The following ST6GALNAC5 variants were observed in gnomAD, a reference collection of about 807,000 sequenced individuals.
ST6GALNAC5 encodes the protein ST6 N-acetylgalactosaminide alpha-2,6-sialyltransferase 5.
In ST6GALNAC5, 27 loss-of-function variants were observed where a neutral mutation model predicts 33.6. The observed-to-expected ratio is 0.80, with a 90% CI of 0.59 to 1.11. ST6GALNAC5 has a LOEUF of 1.11. Ranked by LOEUF, ST6GALNAC5 falls within the 50% of genes least tolerant of loss-of-function variation. ST6GALNAC5 has a pLI of 0.00. For missense variants in ST6GALNAC5, 428 were observed against 454.0 expected, an observed-to-expected ratio of 0.94 and a Z score of 0.52; for synonymous variants, 194 against 171.2, an observed-to-expected ratio of 1.13 and a Z score of -1.04.
At chr1:76,893,325 T>C (rs1654052830) in intron 2 of ST6GALNAC5, among the ~76,000 whole-genome samples, 1 of 152,268 alleles carries the variant, frequency 6.6e-6, no homozygotes, top group Non-Finnish European at 1.5e-5. Flanking sequence ...ATAGAAGTGG[T>C]GTAAAAGACA....
At chr1:76,900,926 G>A (rs1646811726) in intron 2 of ST6GALNAC5, among the ~76,000 whole-genome samples, 1 of 152,144 alleles carries the variant, frequency 6.6e-6, no homozygotes, top group Non-Finnish European at 1.5e-5. Context: ...TACGTTCTCA[G>A]AACATCAGTG....
At chr1:76,901,098 G>A (rs1646813220) in intron 2 of ST6GALNAC5, among the ~76,000 whole-genome samples, 2 of 152,194 alleles carry the variant, frequency 1.3e-5, no homozygotes, top group Admixed American at 1.3e-4. Flanking sequence ...GTTGCAATAA[G>A]TGTTTGTGGT....
At chr1:76,907,823 G>T (rs142957159) in intron 2 of ST6GALNAC5, among the ~76,000 whole-genome samples, 35 of 152,100 alleles carry the variant, frequency 2.3e-4, no homozygotes, top group African/African-American at 8.4e-4. Context: ...TACATCCTTA[G>T]CTCACTTTGG....
chr1:77,044,847 T>A (rs1651956059), intron 3 of ST6GALNAC5, among the ~76,000 whole-genome samples: 1 of 152,158 alleles, frequency 6.6e-6, no homozygotes, highest in Non-Finnish European at 1.5e-5. Flanking sequence ...GGCCTTATTT[T>A]TGAGGAAGAG....
At chr1:77,046,542 A>G (rs1326062508) in intron 3 of ST6GALNAC5, among the ~76,000 whole-genome samples, 1 of 152,214 alleles carries the variant, frequency 6.6e-6, no homozygotes, top group Non-Finnish European at 1.5e-5. Context: ...CCCCATGGGC[A>G]GCCCAGCCAG....
chr1:77,026,495 G>A (rs1266533358), intron 2 of ST6GALNAC5, among the ~76,000 whole-genome samples: 3 of 151,766 alleles, frequency 2.0e-5, no homozygotes, highest in Admixed American at 6.6e-5. Context: ...TTGTGGAGGT[G>A]TCATTGAGAG....
chr1:76,984,323 C>A (rs1310427106), intron 2 of ST6GALNAC5, among the ~76,000 whole-genome samples: 1 of 151,988 alleles, frequency 6.6e-6, no homozygotes, highest in South Asian at 2.1e-4. Context: ...TAAAAAATGA[C>A]AAAGTGGATA....
intron 2 of ST6GALNAC5, among the ~76,000 whole-genome samples, chr1:76,932,389 G>A (rs975043513): frequency 1.3e-5 from 2 of 152,138 alleles, no homozygotes; most frequent in East Asian, 1.9e-4. Flanking sequence ...TGCGTCACAG[G>A]TGTGGGGGAT....
chr1:76,981,656 G>T (rs929198552), intron 2 of ST6GALNAC5, among the ~76,000 whole-genome samples: 4 of 56,562 alleles, frequency 7.1e-5, no homozygotes, highest in African/African-American at 2.8e-4. Context: ...CATTGCATTT[G>T]AGCTCGAGAA....
chr1:76,923,909 T>C (rs964252380), intron 2 of ST6GALNAC5, among the ~76,000 whole-genome samples: 2 of 152,118 alleles, frequency 1.3e-5, no homozygotes, highest in Non-Finnish European at 1.5e-5. Context: ...TAAAAATTAA[T>C]GGACATTCCA....
chr1:76,896,801 T>A (rs957901351), intron 2 of ST6GALNAC5, among the ~76,000 whole-genome samples: 6 of 152,196 alleles, frequency 3.9e-5, no homozygotes, highest in African/African-American at 1.4e-4. Context: ...GAGAGTGTGT[T>A]GAGCATAGTT....
At chr1:76,956,315 A>G (rs1647976301) in intron 2 of ST6GALNAC5, among the ~76,000 whole-genome samples, 1 of 152,148 alleles carries the variant, frequency 6.6e-6, no homozygotes, top group Admixed American at 6.5e-5. Context: ...TAAGAGCCAT[A>G]TAATGCTGTG....
At chr1:76,975,949 G>T (rs1648992446) in intron 2 of ST6GALNAC5, among the ~76,000 whole-genome samples, 1 of 151,966 alleles carries the variant, frequency 6.6e-6, no homozygotes. Flanking sequence ...ACAAAACTTA[G>T]CCGGGCTTGG....
intron 2 of ST6GALNAC5, among the ~76,000 whole-genome samples, chr1:76,948,587 C>CAGAGAGAGAGAGAGAGAGAGAGAGAG (rs60959607): frequency 6.2e-5 from 8 of 129,730 alleles, no homozygotes; most frequent in African/African-American, 1.7e-4. Flanking sequence ...GGAGTGGGGA[C>CAGAGAGAGAGAGAGAGAGAGAGAGAG]AGAGAGAGAG....
At chr1:76,992,978 C>G (rs1394122857) in intron 2 of ST6GALNAC5, among the ~76,000 whole-genome samples, 1 of 152,188 alleles carries the variant, frequency 6.6e-6, no homozygotes, top group African/African-American at 2.4e-5. Context: ...AGGACTAAGA[C>G]CCAAGTTCTT....
chr1:76,904,611 G>T (rs573558940), intron 2 of ST6GALNAC5, among the ~76,000 whole-genome samples: 1 of 152,266 alleles, frequency 6.6e-6, no homozygotes, highest in Admixed American at 6.5e-5. Context: ...GATCACTTGA[G>T]GTCAGGAGTT....
chr1:76,998,572 G>T (rs1650025434), intron 2 of ST6GALNAC5, among the ~76,000 whole-genome samples: 1 of 152,094 alleles, frequency 6.6e-6, no homozygotes, highest in Admixed American at 6.6e-5. Context: ...AGAATGTAAA[G>T]CATTATTTGC....
chr1:77,034,465 A>G (rs1037483717), intron 2 of ST6GALNAC5, among the ~76,000 whole-genome samples: 9 of 152,192 alleles, frequency 5.9e-5, no homozygotes, highest in Admixed American at 6.5e-5. Flanking sequence ...CACAGGTACC[A>G]GAGAGTAGGG....
At chr1:76,870,096 G>C (rs1038483301) in intron 2 of ST6GALNAC5, among the ~76,000 whole-genome samples, 2 of 152,144 alleles carry the variant, frequency 1.3e-5, no homozygotes, top group Non-Finnish European at 2.9e-5. Flanking sequence ...GCAGGGGTTG[G>C]GGGGTAGGGG....
Sources: gnomAD v4.1 joint callset for allele counts (sites outside exome capture counted in the v4.1 genomes callset) on GRCh38, gnomAD v4.1.1 for gene constraint, MANE v1.5 for transcripts, NCBI Gene and HGNC (gene_info 2026-07-23, HGNC 2026-07-21) for gene names.